The following SHANK2 variants were observed in gnomAD, a reference collection of about 807,000 sequenced individuals.
SHANK2 encodes the protein SH3 and multiple ankyrin repeat domains 2, also known as SH3 and multiple ankyrin repeat domains protein 2.
In SHANK2, 43 loss-of-function variants were observed where a neutral mutation model predicts 133.7. The ratio of observed to expected loss-of-function variants is 0.32; its 90% CI spans 0.25 to 0.41. SHANK2 has a LOEUF of 0.41. SHANK2 is among the 10% of genes least tolerant of loss of function. SHANK2 has a pLI of 1.00. For missense variants in SHANK2, 1,994 were observed against 2,235.8 expected (o/e 0.89, Z 2.18); for synonymous variants, 1,017 against 952.8 (o/e 1.07, Z -1.24).
intron 14 of SHANK2, among the ~76,000 whole-genome samples, chr11:70,711,598 C>G (rs746707543): frequency 3.6e-4 from 55 of 152,240 alleles, no homozygotes; most frequent in Non-Finnish European, 6.0e-4. Flanking sequence ...CGCCCGGCCT[C>G]CAGGCTCAGG....
intron 13 of SHANK2, among the ~76,000 whole-genome samples, chr11:70,803,321 CCCAT>C (rs1226111096): frequency 4.6e-3 from 4 of 864 alleles, no homozygotes; most frequent in Non-Finnish European, 0.014. Context: ...TTCCAGCCTA[CCCAT>C]CCATCCATCT....
intron 15 of SHANK2, among the ~76,000 whole-genome samples, chr11:70,695,671 C>A (rs1439289515): frequency 1.3e-5 from 2 of 152,308 alleles, no homozygotes; most frequent in African/African-American, 4.8e-5. Context: ...ATTAACTTGG[C>A]CTTCCTTTCC....
chr11:71,070,252 T>G (rs1406359548), intron 9 of SHANK2, among the ~76,000 whole-genome samples: 1 of 151,906 alleles, frequency 6.6e-6, no homozygotes, highest in Admixed American at 6.6e-5. Context: ...GGGAGGAGAT[T>G]AAAGACACCC....
chr11:70,534,409 C>T (rs2059518389), intron 17 of SHANK2, among the ~76,000 whole-genome samples: 1 of 152,224 alleles, frequency 6.6e-6, no homozygotes, highest in Non-Finnish European at 1.5e-5. Flanking sequence ...TCCCACAACA[C>T]ATGGGGATTA....
chr11:70,602,038 C>G (rs1385009814), intron 17 of SHANK2, among the ~76,000 whole-genome samples: 1 of 152,168 alleles, frequency 6.6e-6, no homozygotes, highest in South Asian at 2.1e-4. Context: ...GGTCTCAGGG[C>G]GGGTCCCTCG....
chr11:70,587,771 C>T (rs552826044), intron 17 of SHANK2, among the ~76,000 whole-genome samples: 1 of 143,902 alleles, frequency 6.9e-6, no homozygotes, highest in South Asian at 2.3e-4. Flanking sequence ...GTGGCGAGAT[C>T]ACAGCTCACT....
rs782708379 is a variant in SHANK2 at position 70,492,444 on chromosome 11, G to A, written c.2330C>T (p.Pro777Leu). The change falls in exon 22 of 26, where the codon CCG becomes CTG. Residue 777 changes from proline to leucine, a missense_variant. Pro to Leu is a moderately conservative substitution (Grantham distance 98). Around this residue, in one of 5 missense-constraint regions of SHANK2, gnomAD observed 488 missense variants for 642.6 expected, o/e 0.76. Transcript: ENST00000601538. ...AGCAGCGCGGGAGGGCTTGGAGGCC[G>A]GGACTATCTCCTCGGGTTTATCTGC... ...KKKDKPEEIV[P>L]ASKPSRAAEN... 3.1e-6 allele frequency: 5 copies of A among 1,613,906 alleles called. No individual in the cohort carries two copies. In the Admixed American group the frequency reaches 5.0e-5, roughly 16 times the overall value.
rs2058807255 is a variant in SHANK2, at chr11:70,486,462, C to T, written c.3831G>A (p.Glu1277=). The T allele has an allele frequency of 5.6e-6, 9 of 1,614,054 alleles. No homozygotes were observed. In the South Asian group the frequency reaches 9.9e-5, roughly 18 times the overall value. ...GGTCGGTCTCGTACTTGTTCTCCGT[C>T]TCCTGCCGCCTCAGGGGTCCCCGGG... The part of the protein sequence containing the change: ...QNTRGPLRRQ[E]TENKYETDLG... Residue 1277 remains glutamate (E), a synonymous_variant, in exon 25 of 26, where the codon GAG becomes GAA. Transcript: ENST00000601538. This position sits in a 1 kb window ranked among gnomAD's most constrained non-coding sequence, Gnocchi z 8.0.
chr11:70,720,724 C>G (rs1946057304), intron 14 of SHANK2, among the ~76,000 whole-genome samples: 1 of 152,070 alleles, frequency 6.6e-6, no homozygotes, highest in Non-Finnish European at 1.5e-5. Flanking sequence ...CATGTGCTGA[C>G]ACACGTGAAC....
intron 17 of SHANK2, among the ~76,000 whole-genome samples, chr11:70,598,824 C>G (rs1292187117): frequency 1.4e-5 from 2 of 145,522 alleles, no homozygotes; most frequent in Non-Finnish European, 3.0e-5. Context: ...GCAAGTGATA[C>G]AAAAAAGGAC....
rs540407290 is a variant in SHANK2, at chr11:70,836,453, G to A, written c.1175-15771C>T. 6.2e-4 allele frequency among the ~76,000 whole-genome samples: 94 copies of A among 152,334 alleles called. 1 individual carries two copies. The highest frequency in any genetic ancestry group is 2.1e-3 in the African/African-American group (86 of 41,574). Reference sequence around the variant, plus strand: ...TTGTGCAAGTCAACGTTTACAAAGTGCCAGGTATGGAGGGAAAGGACTTCC... The same window carrying A: ...TTGTGCAAGTCAACGTTTACAAAGTACCAGGTATGGAGGGAAAGGACTTCC... On this transcript the variant is annotated intron_variant, in intron 11 of 25. Transcript: ENST00000601538.
chr11:70,607,303 G>C (rs782673627), intron 17 of SHANK2, among the ~76,000 whole-genome samples: 2 of 152,282 alleles, frequency 1.3e-5, no homozygotes, highest in South Asian at 4.1e-4. Flanking sequence ...CCCAGCCTCC[G>C]TGGAAGGTCA....
intron 6 of SHANK2, among the ~76,000 whole-genome samples, chr11:71,098,910 G>A (rs915799125): frequency 1.3e-5 from 2 of 152,120 alleles, no homozygotes; most frequent in Non-Finnish European, 2.9e-5. Flanking sequence ...CAGAAAAACG[G>A]GACCATCTCT....
intron 10 of SHANK2, among the ~76,000 whole-genome samples, chr11:70,923,676 GT>G (rs1950384744): frequency 6.6e-6 from 1 of 152,196 alleles, no homozygotes. Context: ...AGCCTCTCAA[GT>G]AGCTGGGACT....
chr11:70,946,934 C>T (rs1384645283), intron 10 of SHANK2, among the ~76,000 whole-genome samples: 1 of 148,652 alleles, frequency 6.7e-6, no homozygotes, highest in Non-Finnish European at 1.5e-5. Context: ...CCTCCCTCTC[C>T]ACTAACCAAC....
At chr11:70,850,380 T>C (rs1590756397) in intron 11 of SHANK2, among the ~76,000 whole-genome samples, 1 of 152,206 alleles carries the variant, frequency 6.6e-6, no homozygotes, top group Non-Finnish European at 1.5e-5. Flanking sequence ...TTTTGATGCA[T>C]TTTTTCAAGC....
intron 14 of SHANK2, among the ~76,000 whole-genome samples, chr11:70,747,254 C>G (rs1266412792): frequency 1.3e-5 from 2 of 151,934 alleles, no homozygotes; most frequent in Non-Finnish European, 2.9e-5. Context: ...AGGTGGCAGG[C>G]GGGGAGGTGG....
At chr11:70,944,468 C>T (rs146057931) in intron 10 of SHANK2, among the ~76,000 whole-genome samples, 5 of 152,338 alleles carry the variant, frequency 3.3e-5, no homozygotes, top group African/African-American at 1.2e-4. Context: ...TTCGAGAACA[C>T]GTGCATCTGA....
intron 14 of SHANK2, among the ~76,000 whole-genome samples, chr11:70,768,026 T>C (rs78310854): frequency 0.01 from 1,571 of 151,874 alleles, 23 homozygotes; most frequent in African/African-American, 0.036. Flanking sequence ...AACACCCAGA[T>C]CCCCTTTAGA....
Sources: allele counts gnomAD v4.1 joint callset (sites outside exome capture counted in the v4.1 genomes callset), GRCh38; gene constraint gnomAD v4.1.1; regional missense constraint gnomAD v4.1.1; non-coding constraint Gnocchi (gnomAD v3.1); transcripts MANE v1.5; gene names NCBI Gene and HGNC (gene_info 2026-07-23, HGNC 2026-07-21).